BACH2: variants seen among roughly 807,000 people sequenced by gnomAD.
BACH2 encodes the protein BACH transcriptional regulator 2.
In BACH2, 5 loss-of-function variants were observed where a neutral mutation model predicts 61.8. That is an observed-to-expected ratio of 0.08 (90% confidence interval 0.04 to 0.17). The LOEUF is 0.17. BACH2 is among the 10% of genes least tolerant of loss of function. BACH2 has a pLI of 1.00. For synonymous variants in BACH2, 446 were observed against 440.1 expected, an observed-to-expected ratio of 1.01 and a Z score of -0.17; for missense variants, 824 against 1,091.1, an observed-to-expected ratio of 0.76 and a Z score of 3.45.
intron 4 of BACH2, among the ~76,000 whole-genome samples, chr6:90,170,449 A>T (rs1369769747): frequency 6.6e-6 from 1 of 152,148 alleles, no homozygotes; most frequent in Non-Finnish European, 1.5e-5. Context: ...TTAATCACTG[A>T]TACATCTTGT....
intron 1 of BACH2, among the ~76,000 whole-genome samples, chr6:90,285,887 C>A (rs1484181969): frequency 6.6e-6 from 1 of 152,174 alleles, no homozygotes; most frequent in Non-Finnish European, 1.5e-5. Flanking sequence ...GATGCACACA[C>A]CTACCTGGCA....
intron 5 of BACH2, among the ~76,000 whole-genome samples, chr6:90,068,973 A>G (rs1446823929): frequency 6.6e-6 from 1 of 152,058 alleles, no homozygotes; most frequent in African/African-American, 2.4e-5. Context: ...GTAAAATACA[A>G]TTTCCTTTCT....
At chr6:89,936,521 AG>A (rs1446280977) in intron 8 of BACH2, among the ~76,000 whole-genome samples, 1 of 152,220 alleles carries the variant, frequency 6.6e-6, no homozygotes, top group Non-Finnish European at 1.5e-5. Context: ...CATAGGCACA[AG>A]TGCAGAGTTT....
At chr6:90,155,853 G>A (rs1261114093) in intron 4 of BACH2, among the ~76,000 whole-genome samples, 1 of 152,130 alleles carries the variant, frequency 6.6e-6, no homozygotes. Flanking sequence ...CCCATGCATT[G>A]AGAACAATGC....
intron 4 of BACH2, among the ~76,000 whole-genome samples, chr6:90,123,495 G>A (rs1379954447): frequency 2.0e-5 from 3 of 150,904 alleles, no homozygotes; most frequent in Non-Finnish European, 4.4e-5. Context: ...TGGGGGCCGG[G>A]CGCGGTGGCT....
At chr6:90,120,692 A>G (rs1027102911) in intron 4 of BACH2, among the ~76,000 whole-genome samples, 1 of 152,192 alleles carries the variant, frequency 6.6e-6, no homozygotes, top group African/African-American at 2.4e-5. Context: ...TCCAATAGAA[A>G]GTCTTTTAAC....
At chr6:90,164,572 C>T (rs868749546) in intron 4 of BACH2, among the ~76,000 whole-genome samples, 1 of 152,124 alleles carries the variant, frequency 6.6e-6, no homozygotes, top group African/African-American at 2.4e-5. Context: ...ATGAGGCCAG[C>T]ATCATCCTGA....
intron 4 of BACH2, among the ~76,000 whole-genome samples, chr6:90,096,998 C>T (rs1782407625): frequency 6.6e-6 from 1 of 152,226 alleles, no homozygotes; most frequent in Non-Finnish European, 1.5e-5. Context: ...ACTGTCAGGG[C>T]TGACTCCTGG....
chr6:90,256,085 G>C (rs950546144), intron 2 of BACH2, among the ~76,000 whole-genome samples: 4 of 152,056 alleles, frequency 2.6e-5, no homozygotes, highest in Non-Finnish European at 5.9e-5. Context: ...AACTTCACCA[G>C]TGAACTCAAT....
chr6:90,078,130 A>C (rs878973987), intron 5 of BACH2, among the ~76,000 whole-genome samples: 1 of 152,180 alleles, frequency 6.6e-6, no homozygotes, highest in South Asian at 2.1e-4. Context: ...CAGAATTATA[A>C]CAGATGCAAT....
intron 1 of BACH2, among the ~76,000 whole-genome samples, chr6:90,290,567 G>A (rs1175976730): frequency 6.6e-6 from 1 of 152,048 alleles, no homozygotes; most frequent in Non-Finnish European, 1.5e-5. Flanking sequence ...ATACAGGATA[G>A]GAAAAAAAGA....
chr6:90,070,462 A>T (rs1582307461), intron 5 of BACH2, among the ~76,000 whole-genome samples: 1 of 152,028 alleles, frequency 6.6e-6, no homozygotes. Flanking sequence ...TGGCCAGATG[A>T]GTGCTGAGTA....
At chr6:90,254,559 T>C (rs1770916811) in intron 2 of BACH2, among the ~76,000 whole-genome samples, 2 of 152,146 alleles carry the variant, frequency 1.3e-5, no homozygotes, top group Admixed American at 6.5e-5. Flanking sequence ...ACAATATGTT[T>C]GGCTTTAAGA....
chr6:90,165,139 T>C (rs1767563778), intron 4 of BACH2, among the ~76,000 whole-genome samples: 1 of 152,196 alleles, frequency 6.6e-6, no homozygotes, highest in East Asian at 1.9e-4. Flanking sequence ...TCTTTGCAGA[T>C]GACATGATTG....
At chr6:90,138,645 A>G (rs1784362761) in intron 4 of BACH2, among the ~76,000 whole-genome samples, 1 of 152,242 alleles carries the variant, frequency 6.6e-6, no homozygotes, top group Non-Finnish European at 1.5e-5. Flanking sequence ...ACAAGCCAAT[A>G]TGAATTACTG....
intron 4 of BACH2, among the ~76,000 whole-genome samples, chr6:90,172,478 A>G (rs1767849844): frequency 6.6e-6 from 1 of 152,124 alleles, no homozygotes; most frequent in Non-Finnish European, 1.5e-5. Context: ...CATCAAATTC[A>G]GAAAGCCAAA....
At chr6:90,133,934 T>C (rs1370320454) in intron 4 of BACH2, among the ~76,000 whole-genome samples, 1 of 152,256 alleles carries the variant, frequency 6.6e-6, no homozygotes, top group Non-Finnish European at 1.5e-5. Context: ...CTTAATTCAG[T>C]CTATCACTGT....
chr6:90,148,797 G>A (rs1226020318), intron 4 of BACH2, among the ~76,000 whole-genome samples: 1 of 151,888 alleles, frequency 6.6e-6, no homozygotes, highest in African/African-American at 2.4e-5. Context: ...GCCTTTTTTT[G>A]AAAACATCTT....
rs552916956 is a variant in BACH2, at chr6:89,985,332, G to A, written c.243+23270C>T. Among the ~76,000 whole-genome samples, 356 of 152,298 alleles carry A rather than the reference G, an allele frequency of 2.3e-3. 6 individuals carry two copies. Among genetic ancestry groups the A allele is most frequent in the African/African-American group, 7.8e-3 (323 of 41,570 alleles). On this transcript the variant is annotated intron_variant, in intron 6 of 8. Transcript: ENST00000257749. ...TCTCATCTGCTGGCGGGGCTGGTGG[G>A]AGTCTGGGTTTTGTGGGTGGCCTCA...
Sources: gnomAD v4.1 joint callset for allele counts (sites outside exome capture counted in the v4.1 genomes callset) on GRCh38, gnomAD v4.1.1 for gene constraint, MANE v1.5 for transcripts, NCBI Gene and HGNC (gene_info 2026-07-23, HGNC 2026-07-21) for gene names.